The following CPAMD8 variants were observed in gnomAD, a reference collection of about 807,000 sequenced individuals.
CPAMD8 encodes the protein C3 and PZP-like alpha-2-macroglobulin domain-containing protein 8.
CPAMD8 carries 146 observed loss-of-function variants against 224.7 expected under a neutral mutation model. The ratio of observed to expected loss-of-function variants is 0.65; its 90% confidence interval spans 0.57 to 0.75. CPAMD8 has a LOEUF of 0.75. CPAMD8 is among the 30% of genes least tolerant of loss of function. The pLI is 0.00. For synonymous variants in CPAMD8, 966 were observed against 1,044.6 expected (o/e 0.92, Z 1.45); for missense variants, 2,301 against 2,537.5 (o/e 0.91, Z 2.00).
chr19:16,973,436 G>A (rs1232270947), intron 17 of CPAMD8, among the ~76,000 whole-genome samples: 32 of 151,512 alleles, frequency 2.1e-4, no homozygotes, highest in African/African-American at 4.8e-5. Context: ...TGTAACCTCC[G>A]CCTCCCAGTT....
chr19:16,909,549 G>C (rs2052646429), intron 29 of CPAMD8, among the ~76,000 whole-genome samples: 3 of 151,074 alleles, frequency 2.0e-5, no homozygotes, highest in Admixed American at 1.3e-4. Flanking sequence ...ATCTCAAAAA[G>C]GGAAAACAAA....
intron 32 of CPAMD8, 41 bp downstream of exon 32, chr19:16,904,185 A>AC: frequency 8.9e-6 from 3 of 337,622 alleles, no homozygotes; most frequent in South Asian, 3.7e-5. Context: ...GACCCCACCC[A>AC]CCCAGCCCTG....
At chr19:16,976,623 A>G (rs1460339992) in intron 15 of CPAMD8, among the ~76,000 whole-genome samples, 1 of 151,964 alleles carries the variant, frequency 6.6e-6, no homozygotes, top group Non-Finnish European at 1.5e-5. Flanking sequence ...ACCTGGGTGA[A>G]ACTGGTCCCA....
chr19:16,988,963 G>C (rs891744427), intron 13 of CPAMD8, among the ~76,000 whole-genome samples: 5 of 152,272 alleles, frequency 3.3e-5, no homozygotes, highest in Admixed American at 2.6e-4. Context: ...AACTGTGCTT[G>C]CACGGGATCT....
At chr19:16,957,679 C>G (rs909196698) in intron 19 of CPAMD8, 174 bp downstream of exon 19, 2 of 659,844 alleles carry the variant, frequency 3.0e-6, no homozygotes, top group African/African-American at 3.6e-5. Flanking sequence ...AAATGTGCAG[C>G]GGGACTCAAG....
chr19:16,912,387 T>G (rs1022197554), intron 29 of CPAMD8, among the ~76,000 whole-genome samples: 8 of 152,148 alleles, frequency 5.3e-5, no homozygotes, highest in Admixed American at 1.3e-4. Context: ...AGAAAAAGAT[T>G]CTTGGGAGAA....
At chr19:16,992,289 G>A (rs1442484817) in intron 12 of CPAMD8, among the ~76,000 whole-genome samples, 3 of 152,092 alleles carry the variant, frequency 2.0e-5, no homozygotes, top group Non-Finnish European at 2.9e-5. Context: ...TGATCACTGG[G>A]TATCGAAAAT....
chr19:16,895,695 C>T (rs1454108636), intron 41 of CPAMD8: 1 of 346,922 alleles, frequency 2.9e-6, no homozygotes, highest in Non-Finnish European at 5.8e-6. Flanking sequence ...GTTCCAAAAT[C>T]CAAGTCTTTT....
intron 23 of CPAMD8, among the ~76,000 whole-genome samples, chr19:16,930,983 T>C (rs2053528205): frequency 6.6e-6 from 1 of 152,164 alleles, no homozygotes; most frequent in Non-Finnish European, 1.5e-5. Context: ...GCAGTGAAGC[T>C]GCTGCACACT....
intron 35 of CPAMD8, 87 bp downstream of exon 35, chr19:16,902,562 G>A (rs188980187): frequency 6.1e-5 from 47 of 768,544 alleles, no homozygotes; most frequent in African/African-American, 6.0e-4. Context: ...GCCTGGAGCC[G>A]GAAGCTCCTC....
chr19:17,008,603 C>G, intron 6 of CPAMD8, 44 bp from the exon 7 acceptor site: 1 of 1,603,110 alleles, frequency 6.2e-7, no homozygotes, highest in Non-Finnish European at 8.5e-7. Context: ...TGAACTCAGG[C>G]TAGCCTAGCA....
chr19:17,013,579 G>A (rs1216809343), intron 3 of CPAMD8: 1 of 129,238 alleles, frequency 7.7e-6, no homozygotes, highest in African/African-American at 3.4e-5. Flanking sequence ...TGACTCCATT[G>A]ATCTGAATTG....
intron 27 of CPAMD8, among the ~76,000 whole-genome samples, chr19:16,919,820 C>T (rs564076150): frequency 6.6e-6 from 1 of 152,268 alleles, no homozygotes; most frequent in African/African-American, 2.4e-5. Context: ...AGAACAGATC[C>T]CAAGTTTTCA....
In CPAMD8 at chr19:16,925,271, CAA is replaced by C. The variant is rs1163387838; in HGVS notation, c.3470_3471del (p.Phe1157CysfsTer14). 3 of 1,614,240 alleles carry C rather than the reference CAA, an allele frequency of 1.9e-6. No individual in the cohort carries two copies. The highest frequency in any genetic ancestry group is 1.7e-5 in the Admixed American group (1 of 60,024). Reference sequence around the variant, plus strand: ...TGGGTTTTCTGAAGATACTTCAAGACAAAGACGTTGGGTGCAAAGTGGATCAT... The same window carrying C: ...TGGGTTTTCTGAAGATACTTCAAGACAGACGTTGGGTGCAAAGTGGATCAT... ...QNMIHFAPNV[F>X]VLKYLQKTQQ... On this transcript the variant is annotated frameshift_variant, in exon 26 of 42. Coordinates refer to ENST00000443236, the MANE Select transcript of CPAMD8 (RefSeq NM_015692.5). LOFTEE classifies it high-confidence loss of function.
At position 16,952,369 on chromosome 19, in the gene CPAMD8, T is replaced by A. The variant is rs2054326394; in HGVS notation, c.2277-169A>T. Among the ~76,000 whole-genome samples the A allele has an allele frequency of 2.6e-5, 4 of 152,130 alleles. No individual in the cohort carries two copies. In the South Asian group the frequency reaches 8.3e-4, roughly 32 times the overall value. On this transcript the variant is annotated intron_variant, in intron 19 of 41. Transcript: ENST00000443236. The stretch of plus-strand genomic sequence containing the variant: ...GCGGCAACAGGAAAAAAACTGTCCC[T>A]CAGCCCTGACTCTAATAGAAAACAT...
In CPAMD8 at chr19:16,899,690, C is replaced by A; in HGVS notation, c.4774-141G>T. On this transcript the variant is annotated intron_variant, in intron 36 of 41. Transcript: ENST00000443236. The surrounding 1 kb of genome is among the most constrained non-coding windows in gnomAD (Gnocchi z 5.4). Reference sequence around the variant, plus strand: ...GGGTCTGGGTGCTGGTCAGTGCTCCCCAGGCCCTGCCAGCCTCTCAGCACC... The same window carrying A: ...GGGTCTGGGTGCTGGTCAGTGCTCCACAGGCCCTGCCAGCCTCTCAGCACC... 1 of 618,034 alleles carries A rather than the reference C, an allele frequency of 1.6e-6. No homozygotes were observed. 38.3% of individuals were successfully genotyped at this position (618,034 alleles called of 1,614,324 possible).
At chr19:16,977,079 G>A (rs992823887) in intron 15 of CPAMD8, among the ~76,000 whole-genome samples, 2 of 152,070 alleles carry the variant, frequency 1.3e-5, no homozygotes, top group African/African-American at 4.8e-5. Flanking sequence ...TTGCAGGGAG[G>A]GGGAGAGGAG....
rs1568611709 is a variant in CPAMD8, at chr19:17,020,325, GCTTAC to G, written c.267+1_267+5del. 8 of 1,582,312 alleles carry G rather than the reference GCTTAC, an allele frequency of 5.1e-6. No homozygotes were observed. Among genetic ancestry groups the G allele is most frequent in the Non-Finnish European group, 6.9e-6 (8 of 1,151,994 alleles). On this transcript the variant is annotated splice_donor_variant and splice_donor_5th_base_variant and intron_variant, in intron 3 of 41. Transcript: ENST00000443236. LOFTEE classifies it high-confidence loss of function. ...AGGTTTATGATTTTAAAAATCAACGGCTTACCTTGAGTTTGATTGTCCCTTTATCT... is the reference window on the plus strand; with the variant it reads ...AGGTTTATGATTTTAAAAATCAACGGCTTGAGTTTGATTGTCCCTTTATCT...
intron 27 of CPAMD8, among the ~76,000 whole-genome samples, chr19:16,920,720 A>G (rs3843757): frequency 0.54 from 81,122 of 151,180 alleles, 22,560 homozygotes; most frequent in Middle Eastern, 0.64. Flanking sequence ...GCTGGGCATG[A>G]TGGTGCACAC....
Sources: allele counts gnomAD v4.1 joint callset (sites outside exome capture counted in the v4.1 genomes callset), GRCh38; gene constraint gnomAD v4.1.1; non-coding constraint Gnocchi (gnomAD v3.1); transcripts MANE v1.5; gene names NCBI Gene and HGNC (gene_info 2026-07-23, HGNC 2026-07-21).